CACNA2D1: variants seen among roughly 807,000 people sequenced by gnomAD.
CACNA2D1 encodes the protein calcium voltage-gated channel auxiliary subunit alpha2delta 1.
Under a neutral mutation model 171.5 loss-of-function variants are expected in CACNA2D1, and 53 were observed. The ratio of observed to expected loss-of-function variants is 0.31; its 90% CI spans 0.25 to 0.39. The LOEUF (loss-of-function observed/expected upper bound fraction) is 0.39. Among genes scored for constraint, CACNA2D1 ranks in the 10% least tolerant of loss-of-function variants. CACNA2D1 has a pLI of 1.00. For missense variants in CACNA2D1, 903 were observed against 1,299.8 expected, an observed-to-expected ratio of 0.69 and a Z score of 4.69; for synonymous variants, 442 against 443.1, an observed-to-expected ratio of 1.00 and a Z score of 0.03.
At chr7:82,227,912 C>A (rs1319716225) in intron 3 of CACNA2D1, among the ~76,000 whole-genome samples, 1 of 152,052 alleles carries the variant, frequency 6.6e-6, no homozygotes, top group Non-Finnish European at 1.5e-5. Context: ...TCTAAAATAG[C>A]TCAAGTCTGT....
At position 82,402,687 on chromosome 7, in the gene CACNA2D1, T is replaced by C. The variant is rs1475464293; in HGVS notation, c.95+40678A>G. Among the ~76,000 whole-genome samples, 15 of 94,778 alleles carry C rather than the reference T, an allele frequency of 1.6e-4. No individual in the cohort carries two copies. The East Asian group carries it at 4.4e-3, about 28-fold the overall frequency. The allele number at this position is 94,778 out of a possible 152,430, so 62.2% of individuals were successfully genotyped here. On this transcript the variant is annotated intron_variant, in intron 1 of 38. Coordinates refer to ENST00000356860, the MANE Select transcript of CACNA2D1 (RefSeq NM_000722.4). ...GATCACTGCACTTCAGCCAGGGCAA[T>C]ACAGCAAGACTCTGTCTCAAAAAAA... is the stretch of plus-strand genomic sequence containing the variant.
intron 6 of CACNA2D1, among the ~76,000 whole-genome samples, chr7:82,090,100 C>T (rs536306741): frequency 2.0e-5 from 3 of 152,176 alleles, no homozygotes; most frequent in African/African-American, 7.2e-5. Context: ...TATCCATCAC[C>T]TTTACATAAC....
At chr7:82,273,290 AG>A (rs1240250322) in intron 3 of CACNA2D1, among the ~76,000 whole-genome samples, 9 of 152,046 alleles carry the variant, frequency 5.9e-5, no homozygotes, top group Admixed American at 1.3e-4. Flanking sequence ...ATTTATGCTA[AG>A]GAAATAAGAA....
At chr7:82,041,267 G>C (rs1369112221) in intron 10 of CACNA2D1, among the ~76,000 whole-genome samples, 1 of 152,078 alleles carries the variant, frequency 6.6e-6, no homozygotes, top group Non-Finnish European at 1.5e-5. Flanking sequence ...GGAAATAGAA[G>C]AGAGGTAAAA....
At chr7:82,153,717 T>C (rs568262655) in intron 4 of CACNA2D1, among the ~76,000 whole-genome samples, 70 of 152,220 alleles carry the variant, frequency 4.6e-4, no homozygotes, top group African/African-American at 1.6e-3. Flanking sequence ...AACTGGATTA[T>C]GTATAGGGAT....
At position 81,999,693 on chromosome 7, in the gene CACNA2D1, T is replaced by C. The variant is rs138820488; in HGVS notation, c.1591-2443A>G. Among the ~76,000 whole-genome samples the C allele has an allele frequency of 8.1e-3, 1,229 of 152,210 alleles. 13 individuals carry two copies. Among genetic ancestry groups the C allele is most frequent in the African/African-American group, 0.027 (1,128 of 41,542 alleles). The stretch of plus-strand genomic sequence containing the variant: ...AGTTACATGCAATATTTGAGGCTGC[T>C]GCAAAAACAAAAATTCACTAAAATG... On this transcript the variant is annotated intron_variant, in intron 18 of 38. Transcript: ENST00000356860.
At chr7:82,318,381 T>C (rs1380655441) in intron 3 of CACNA2D1, among the ~76,000 whole-genome samples, 4 of 152,194 alleles carry the variant, frequency 2.6e-5, no homozygotes, top group African/African-American at 4.8e-5. Flanking sequence ...CTTATGAGTA[T>C]AAAAGCCCCA....
intron 3 of CACNA2D1, among the ~76,000 whole-genome samples, chr7:82,283,558 T>A (rs1015353214): frequency 5.9e-5 from 9 of 152,212 alleles, no homozygotes; most frequent in African/African-American, 2.2e-4. Flanking sequence ...GAACGGTATC[T>A]GTGAAAATGG....
chr7:82,109,681 A>C (rs1318160551), intron 6 of CACNA2D1, among the ~76,000 whole-genome samples: 1 of 152,176 alleles, frequency 6.6e-6, no homozygotes, highest in Non-Finnish European at 1.5e-5. Flanking sequence ...GGAACATGGT[A>C]ATATTTTGAG....
At chr7:82,236,755 A>G (rs1803634260) in intron 3 of CACNA2D1, among the ~76,000 whole-genome samples, 1 of 152,022 alleles carries the variant, frequency 6.6e-6, no homozygotes, top group Non-Finnish European at 1.5e-5. Context: ...CAAAAGTAGA[A>G]GAAAAAACAG....
At chr7:82,164,753 G>A (rs913814041) in intron 4 of CACNA2D1, among the ~76,000 whole-genome samples, 5 of 151,940 alleles carry the variant, frequency 3.3e-5, no homozygotes, top group African/African-American at 1.2e-4. Flanking sequence ...TACGTATATG[G>A]AGTAAATCTT....
chr7:82,372,330 A>G (rs1272633994), intron 1 of CACNA2D1, among the ~76,000 whole-genome samples: 1 of 152,174 alleles, frequency 6.6e-6, no homozygotes, highest in Non-Finnish European at 1.5e-5. Flanking sequence ...AAAATATAGC[A>G]AACAAAAATA....
chr7:82,242,655 T>A (rs995766413), intron 3 of CACNA2D1, among the ~76,000 whole-genome samples: 1 of 152,134 alleles, frequency 6.6e-6, no homozygotes, highest in Non-Finnish European at 1.5e-5. Context: ...GAGATCTTAT[T>A]CAGAAAATCG....
rs35419275 is a variant in CACNA2D1 at position 82,363,254 on chromosome 7, C to CTTTTTTTTTTTTTT, written c.96-13619_96-13606dup. ...CTACCATAGTTTTATTTATTTGTCTCTTTTTTTTTTTTTTTTTTTTTTTTT... is the reference window on the plus strand; with the variant it reads ...CTACCATAGTTTTATTTATTTGTCTCTTTTTTTTTTTTTTTTTTTTTTTTTTTTTTTTTTTTTTT... On this transcript the variant is annotated intron_variant, in intron 1 of 38. Transcript: ENST00000356860. Among the ~76,000 whole-genome samples the CTTTTTTTTTTTTTT allele has an allele frequency of 1.2e-3, 78 of 63,428 alleles. 13 individuals are homozygous for CTTTTTTTTTTTTTT. Among genetic ancestry groups the CTTTTTTTTTTTTTT allele is most frequent in the African/African-American group, 6.2e-3 (74 of 11,942 alleles). 41.6% of individuals were successfully genotyped at this position (63,428 alleles called of 152,430 possible).
At chr7:82,281,268 G>A (rs1237946372) in intron 3 of CACNA2D1, among the ~76,000 whole-genome samples, 1 of 152,180 alleles carries the variant, frequency 6.6e-6, no homozygotes, top group East Asian at 1.9e-4. Flanking sequence ...CTAGACAACA[G>A]AAGACCATGT....
intron 3 of CACNA2D1, among the ~76,000 whole-genome samples, chr7:82,325,375 A>C (rs1181007488): frequency 1.3e-5 from 2 of 152,180 alleles, no homozygotes; most frequent in African/African-American, 2.4e-5. Flanking sequence ...TAGGTGTTAC[A>C]AGCTGTAGGG....
At chr7:82,010,870 C>T (rs1457474338) in intron 15 of CACNA2D1, among the ~76,000 whole-genome samples, 1 of 152,036 alleles carries the variant, frequency 6.6e-6, no homozygotes, top group Non-Finnish European at 1.5e-5. Flanking sequence ...TCACTGAACT[C>T]CAAGTAGGGA....
intron 7 of CACNA2D1, 100 bp downstream of exon 7, chr7:82,084,669 T>C: frequency 1.6e-6 from 2 of 1,289,166 alleles, no homozygotes; most frequent in Non-Finnish European, 2.3e-6. Context: ...AGTAGTGTGA[T>C]ATAGTCATAT....
At chr7:82,410,528 T>A (rs1196021011) in intron 1 of CACNA2D1, 2 of 985,270 alleles carry the variant, frequency 2.0e-6, no homozygotes, top group Non-Finnish European at 2.4e-6. Flanking sequence ...GGTCTGAAGG[T>A]GCACGCTACA....
Sources: allele counts gnomAD v4.1 joint callset (sites outside exome capture counted in the v4.1 genomes callset), GRCh38; gene constraint gnomAD v4.1.1; transcripts MANE v1.5; gene names NCBI Gene and HGNC (gene_info 2026-07-23, HGNC 2026-07-21).